SH3BP5: variants seen among roughly 807,000 people sequenced by gnomAD.
SH3BP5 encodes SH3 domain-binding protein 5.
In SH3BP5, 22 loss-of-function variants were observed where a neutral mutation model predicts 43.3. The ratio of observed to expected loss-of-function variants is 0.51; its 90% CI spans 0.36 to 0.73. The LOEUF is 0.73. Among genes scored for constraint, SH3BP5 ranks in the 30% least tolerant of loss-of-function variants. The pLI, the probability that SH3BP5 is intolerant of heterozygous loss-of-function variation, is 0.00. For missense variants in SH3BP5, 529 were observed against 586.9 expected (o/e 0.90, Z 1.02); for synonymous variants, 255 against 225.8 (o/e 1.13, Z -1.16).
upstream of SH3BP5, among the ~76,000 whole-genome samples, chr3:15,337,557 G>T (rs1698715621): frequency 6.6e-6 from 1 of 151,934 alleles, no homozygotes; most frequent in South Asian, 2.1e-4. Context: ...CCAGTTTGAG[G>T]GTCCCAAACA....
Position 15,304,250 on chromosome 3 carries a change from G to A in SH3BP5, c.202-19C>T, listed in dbSNP as rs770408014. 1.6e-5 allele frequency: 26 copies of A among 1,613,942 alleles called. No homozygotes were observed. Among genetic ancestry groups the A allele is most frequent in the Admixed American group, 3.3e-5 (2 of 59,996 alleles). On this transcript the variant is annotated intron_variant, in intron 2 of 8. Transcript: ENST00000383791. ...GAGCATCCTGCAGCCAGGGGAAACC[G>A]AGGAAACACAGTTGAGGCTTAAGAA...
At chr3:15,283,815 T>C (rs1004942823) in intron 3 of SH3BP5, among the ~76,000 whole-genome samples, 24 of 152,200 alleles carry the variant, frequency 1.6e-4, no homozygotes, top group Admixed American at 7.9e-4. Context: ...ACTCCACCTC[T>C]ACTGCCCTGA....
chr3:15,331,707 G>A (rs528659265), intron 1 of SH3BP5: 5 of 152,448 alleles, frequency 3.3e-5, no homozygotes, highest in African/African-American at 1.2e-4. Context: ...CAGGCAGAAC[G>A]TTGAGCCAGT....
chr3:15,284,903 G>A (rs1043920775), intron 3 of SH3BP5, among the ~76,000 whole-genome samples: 1 of 152,184 alleles, frequency 6.6e-6, no homozygotes, highest in Non-Finnish European at 1.5e-5. Context: ...CTGGACGACC[G>A]AATGCCTGGT....
intron 2 of SH3BP5, among the ~76,000 whole-genome samples, chr3:15,323,191 T>C (rs1045449322): frequency 5.9e-5 from 9 of 151,844 alleles, no homozygotes; most frequent in African/African-American, 2.2e-4. Context: ...GGGAAACTAA[T>C]TTTCACATTA....
chr3:15,280,621 T>C (rs1017221645), intron 3 of SH3BP5, among the ~76,000 whole-genome samples: 1 of 151,944 alleles, frequency 6.6e-6, no homozygotes, highest in African/African-American at 2.4e-5. Flanking sequence ...CACACAGCCA[T>C]CCCCGACATC....
Position 15,308,564 on chromosome 3 carries a change from C to T in SH3BP5, c.202-4333G>A, listed in dbSNP as rs929380229. 4.6e-5 allele frequency among the ~76,000 whole-genome samples: 7 copies of T among 152,214 alleles called. No homozygotes were observed. In the East Asian group the frequency reaches 5.8e-4, roughly 13 times the overall value. On this transcript the variant is annotated intron_variant, in intron 2 of 8. Transcript: ENST00000383791. The stretch of plus-strand genomic sequence containing the variant: ...CCACCAGACAGAGAAGGGGGACATT[C>T]GACCCTCCAGCACGGACGGACGGGC...
intron 2 of SH3BP5, among the ~76,000 whole-genome samples, chr3:15,310,032 C>A (rs185188837): frequency 2.1e-3 from 312 of 152,106 alleles, no homozygotes; most frequent in African/African-American, 6.9e-3. Flanking sequence ...TTCCTGTCTC[C>A]CCAGTGTTAC....
At chr3:15,278,064 G>A (rs1052605283) in intron 3 of SH3BP5, among the ~76,000 whole-genome samples, 8 of 152,234 alleles carry the variant, frequency 5.3e-5, no homozygotes, top group African/African-American at 1.7e-4. Flanking sequence ...CTCGTGCTTC[G>A]CTGGAGGAAT....
At chr3:15,331,247 TA>T in intron 1 of SH3BP5, among the ~76,000 whole-genome samples, 1 of 152,350 alleles carries the variant, frequency 6.6e-6, no homozygotes, top group African/African-American at 2.4e-5. Flanking sequence ...TTACTTTAAT[TA>T]ATAGCATTCC....
At chr3:15,306,603 A>G (rs1398827568) in intron 2 of SH3BP5, among the ~76,000 whole-genome samples, 2 of 152,164 alleles carry the variant, frequency 1.3e-5, no homozygotes, top group African/African-American at 4.8e-5. Context: ...GAGACTCAAC[A>G]CCCACCTGCT....
Position 15,304,119 on chromosome 3 carries a change from C to G in SH3BP5, c.314G>C (p.Arg105Pro), listed in dbSNP as rs982491980. 6.2e-7 allele frequency: 1 copy of G among 1,614,140 alleles called. No homozygotes were observed. Residue 105 changes from arginine to proline, a missense_variant, in exon 3 of 9, where the codon CGG (arginine) becomes CCG (proline). Arg to Pro is a moderately radical substitution (Grantham distance 103). Coordinates refer to ENST00000383791, the MANE Select transcript of SH3BP5 (RefSeq NM_004844.5). ...VEDSKPYWEA[R>P]RVARQAQLEA... ...CTATCTTACCTGCCTCGCCACCCTCCGTGCCTCCCAGTAGGGCTTGGAGTC... is the reference window on the plus strand; with the variant it reads ...CTATCTTACCTGCCTCGCCACCCTCGGTGCCTCCCAGTAGGGCTTGGAGTC...
In SH3BP5 at chr3:15,269,725, G is replaced by A. The variant is rs770599854; in HGVS notation, c.483C>T (p.His161=). 6.9e-6 allele frequency: 11 copies of A among 1,600,044 alleles called. No homozygotes were observed. The highest frequency in any genetic ancestry group is 2.2e-5 in the South Asian group (2 of 89,448). The change falls in exon 4 of 9, where the codon CAC becomes CAT. Residue 161 remains histidine, a synonymous_variant. Transcript: ENST00000383791. The part of the protein sequence containing the change: ...FDSAWQEMLN[H]ATQRVMEAEQ... ...CCATGACTCATACCCTCTGAGTGGC[G>A]TGATTCAGCATCTCCTGCCAGGCGG... is the stretch of plus-strand genomic sequence containing the variant.
chr3:15,330,685 A>G, intron 1 of SH3BP5, 119 bp from the exon 2 acceptor site: 1 of 1,409,642 alleles, frequency 7.1e-7, no homozygotes, highest in Non-Finnish European at 9.3e-7. Flanking sequence ...GGGAAGAATC[A>G]GAATTAATTC....
intron 3 of SH3BP5, among the ~76,000 whole-genome samples, chr3:15,284,811 T>C (rs1272713467): frequency 2.0e-5 from 3 of 152,168 alleles, no homozygotes; most frequent in Admixed American, 6.5e-5. Context: ...ACTCTTGGCC[T>C]ATGAGCCTGG....
intron 4 of SH3BP5, among the ~76,000 whole-genome samples, chr3:15,267,429 A>G (rs1229342522): frequency 6.6e-6 from 1 of 152,174 alleles, no homozygotes; most frequent in Non-Finnish European, 1.5e-5. Context: ...CTGTTCAATG[A>G]GGGGCATTTC....
At position 15,256,166 on chromosome 3, in the gene SH3BP5, G is replaced by C. The variant is rs1696188019; in HGVS notation, c.1288C>G (p.Arg430Gly). Residue 430 changes from arginine to glycine, a missense_variant, in exon 9 of 9, where the codon CGG becomes GGG. Transcript: ENST00000383791. ...CACTGTAGGGAGAGCTGCTTCATCC[G>C]GTTCTCCAAGGCCTGGCCCTCAGGG... The part of the protein sequence containing the change: ...TSPEGQALEN[R>G]MKQLSLQCSK... 1.2e-6 allele frequency: 2 copies of C among 1,614,006 alleles called. No individual in the cohort carries two copies. Among genetic ancestry groups the C allele is most frequent in the Non-Finnish European group, 8.5e-7 (1 of 1,180,010 alleles).
At chr3:15,300,147 GA>G (rs1299592285) in intron 3 of SH3BP5, among the ~76,000 whole-genome samples, 2 of 150,484 alleles carry the variant, frequency 1.3e-5, no homozygotes, top group South Asian at 2.1e-4. Context: ...TCTTTTTTTT[GA>G]AAAAAATATG....
chr3:15,332,099 C>T (rs1698626464), intron 1 of SH3BP5, 172 bp downstream of exon 1: 1 of 1,079,388 alleles, frequency 9.3e-7, no homozygotes, highest in African/African-American at 1.6e-5. Context: ...CTGTAGCCTC[C>T]TCATTGTGGA....
Sources: gnomAD v4.1 joint callset for allele counts (sites outside exome capture counted in the v4.1 genomes callset) on GRCh38, gnomAD v4.1.1 for gene constraint, MANE v1.5 for transcripts, NCBI Gene and HGNC (gene_info 2026-07-23, HGNC 2026-07-21) for gene names.